The following SYCP2 variants were observed in gnomAD, a reference collection of about 807,000 sequenced individuals.
The protein encoded by SYCP2 is synaptonemal complex protein 2.
SYCP2 carries 55 observed loss-of-function variants against 211.3 expected under a neutral mutation model. The ratio of observed to expected loss-of-function variants is 0.26; its 90% confidence interval spans 0.21 to 0.33. SYCP2 has a LOEUF of 0.33. Among genes scored for constraint, SYCP2 ranks in the 10% least tolerant of loss-of-function variants. SYCP2 has a pLI of 1.00. For missense variants in SYCP2, 1,731 were observed against 1,752.0 expected, an observed-to-expected ratio of 0.99 and a Z score of 0.21; for synonymous variants, 570 against 555.2, an observed-to-expected ratio of 1.03 and a Z score of -0.37.
intron 28 of SYCP2, 99 bp from the exon 29 acceptor site, chr20:59,881,591 A>G (rs2059682271): frequency 3.3e-6 from 2 of 599,166 alleles, no homozygotes; most frequent in Non-Finnish European, 2.8e-6. Flanking sequence ...ACAAAATCAT[A>G]AGATTTGACA....
intron 18 of SYCP2, 28 bp from the exon 19 acceptor site, chr20:59,896,556 G>A (rs770476287): frequency 8.5e-7 from 1 of 1,171,034 alleles, no homozygotes; most frequent in South Asian, 1.3e-5. Context: ...AACAACCACT[G>A]TAAACACAGT....
chr20:59,913,898 A>G (rs1281983829), intron 12 of SYCP2, 77 bp downstream of exon 12: 5 of 1,042,482 alleles, frequency 4.8e-6, no homozygotes, highest in Admixed American at 5.1e-5. Flanking sequence ...TTAAATGTAT[A>G]AAGATGCAAC....
intron 18 of SYCP2, among the ~76,000 whole-genome samples, chr20:59,899,272 G>A (rs531844846): frequency 6.6e-6 from 1 of 152,040 alleles, no homozygotes; most frequent in East Asian, 1.9e-4. Context: ...AAAGCATATT[G>A]CCAAAAAAAA....
intron 3 of SYCP2, 127 bp from the exon 4 acceptor site, chr20:59,921,580 G>A (rs762781918): frequency 7.9e-5 from 44 of 559,948 alleles, no homozygotes; most frequent in Admixed American, 1.7e-4. Flanking sequence ...ATTAATTCAC[G>A]TATTTTTTAA....
intron 15 of SYCP2, among the ~76,000 whole-genome samples, chr20:59,904,823 A>T (rs2060184577): frequency 6.6e-6 from 1 of 152,154 alleles, no homozygotes; most frequent in Non-Finnish European, 1.5e-5. Context: ...GGGACTCAGG[A>T]AGCTTTTAAT....
At chr20:59,904,929 G>A (rs947572464) in intron 15 of SYCP2, among the ~76,000 whole-genome samples, 10 of 152,014 alleles carry the variant, frequency 6.6e-5, no homozygotes, top group African/African-American at 2.4e-4. Context: ...TAGCTTACCT[G>A]AATTAACAAG....
rs1162359429 is a variant in SYCP2, at chr20:59,865,676, CCTT to C, written c.4380-28_4380-26del. On this transcript the variant is annotated intron_variant, in intron 42 of 44. Transcript: ENST00000357552. ...CCTAAGAAGTAAAATAATGAGTTAA[CCTT>C]GTATTTATCAATAATTCAAATTAGA... The C allele has an allele frequency of 6.4e-5, 95 of 1,486,808 alleles. 1 individual carries two copies. The highest frequency in any genetic ancestry group is 8.4e-5 in the Non-Finnish European group (92 of 1,091,154). The allele number at this position is 1,486,808 out of a possible 1,614,324, so 92.1% of individuals were successfully genotyped here. A position where few individuals can be genotyped will look rare whatever the true frequency, so the allele number is the denominator to read the frequency against.
At chr20:59,885,766 T>C (rs1436480782) in intron 26 of SYCP2, among the ~76,000 whole-genome samples, 162 bp downstream of exon 26, 1 of 152,192 alleles carries the variant, frequency 6.6e-6, no homozygotes, top group Non-Finnish European at 1.5e-5. Flanking sequence ...TGGAGGGCTA[T>C]TTTGAGTACT....
intron 30 of SYCP2, 122 bp downstream of exon 30, chr20:59,880,844 G>T (rs2059663856): frequency 4.0e-6 from 2 of 505,120 alleles, no homozygotes; most frequent in Non-Finnish European, 3.5e-6. Flanking sequence ...TAATAGGAAG[G>T]TGGATAGTTG....
chr20:59,867,948 A>G (rs2059383203), intron 38 of SYCP2, 101 bp from the exon 39 acceptor site: 5 of 784,744 alleles, frequency 6.4e-6, no homozygotes, highest in East Asian at 2.8e-5. Flanking sequence ...TTCCGAATCT[A>G]TGTGTAACCT....
Position 59,868,405 on chromosome 20 carries a change from C to G in SYCP2, c.3988+8G>C. 6.2e-7 allele frequency: 1 copy of G among 1,607,092 alleles called. No individual in the cohort carries two copies. The highest frequency in any genetic ancestry group is 2.2e-5 in the East Asian group (1 of 44,708). On this transcript the variant is annotated splice_region_variant and intron_variant, in intron 38 of 44. Transcript: ENST00000357552. ...CTGCATTTTGATACAGGCTACTGATCTACCTACTTTTGTGGATATGATGAT... is the reference window on the plus strand; with the variant it reads ...CTGCATTTTGATACAGGCTACTGATGTACCTACTTTTGTGGATATGATGAT...
rs543437402 is a variant in SYCP2, at chr20:59,928,591, A to G, written c.-47+3471T>C. ...AAAACATATTACAAAGTCACAAGAAATAACTATAAACAGTGAAGTATTAAG... is the reference window on the plus strand; with the variant it reads ...AAAACATATTACAAAGTCACAAGAAGTAACTATAAACAGTGAAGTATTAAG... On this transcript the variant is annotated intron_variant, in intron 2 of 44. Transcript: ENST00000357552. 2.1e-4 allele frequency among the ~76,000 whole-genome samples: 32 copies of G among 152,312 alleles called. 2 individuals are homozygous for G. The South Asian group carries it at 5.8e-3, about 28-fold the overall frequency.
chr20:59,916,527 G>A lies in SYCP2; in HGVS notation c.472C>T (p.Leu158=), dbSNP rs745602853. The change falls in exon 8 of 45, where the codon CTG becomes TTG. Residue 158 remains leucine (L), a synonymous_variant. Coordinates refer to ENST00000357552, the MANE Select transcript of SYCP2 (RefSeq NM_014258.4). ...VESFVPRICS[L]VIDSRVNICI... is the part of the protein sequence containing the mutation. ...ATATTCACTCTTGAGTCAATAACCA[G>A]GGAACAAATGCGAGGTACGAAACTT... 1 of 1,611,230 alleles carries A rather than the reference G, an allele frequency of 6.2e-7. No homozygotes were observed. Among genetic ancestry groups the A allele is most frequent in the South Asian group, 1.1e-5 (1 of 90,974 alleles).
chr20:59,921,530 A>T, intron 3 of SYCP2, 77 bp from the exon 4 acceptor site: 1 of 1,066,848 alleles, frequency 9.4e-7, no homozygotes, highest in Non-Finnish European at 1.3e-6. Context: ...TAATTTGAGA[A>T]CCGTTTTCAC....
At chr20:59,932,446 C>G (rs1276631745) in intron 1 of SYCP2, among the ~76,000 whole-genome samples, 2 of 152,106 alleles carry the variant, frequency 1.3e-5, no homozygotes, top group Non-Finnish European at 2.9e-5. Flanking sequence ...GAAGCCGAGG[C>G]AGGTGGATCA....
chr20:59,874,522 A>G (rs973253384), intron 34 of SYCP2, among the ~76,000 whole-genome samples: 1 of 152,088 alleles, frequency 6.6e-6, no homozygotes. Context: ...GACAATTTTC[A>G]GATCGAATCA....
At chr20:59,874,991 CTTTT>C (rs1054518392) in intron 34 of SYCP2, among the ~76,000 whole-genome samples, 9 of 151,722 alleles carry the variant, frequency 5.9e-5, no homozygotes, top group African/African-American at 2.2e-4. Flanking sequence ...AAATTAAGTA[CTTTT>C]TTAAGATTAA....
chr20:59,892,194 A>G lies in SYCP2; in HGVS notation c.2160T>C (p.Ser720=). The change falls in exon 24 of 45, where the codon TCT becomes TCC. Residue 720 remains serine (S), a synonymous_variant. Coordinates refer to ENST00000357552, the MANE Select transcript of SYCP2 (RefSeq NM_014258.4). ...NAKQSDWPVE[S]ETTFKSVLLN... ...GGAGAACCGATTTAAAAGTAGTTTC[A>G]GATTCAACAGGCCAATCACTCTGCT... is the stretch of plus-strand genomic sequence containing the variant. 5 of 1,612,716 alleles carry G rather than the reference A, an allele frequency of 3.1e-6. No individual in the cohort carries two copies. The highest frequency in any genetic ancestry group is 4.2e-6 in the Non-Finnish European group (5 of 1,179,220).
At chr20:59,877,916 A>G in intron 32 of SYCP2, 92 bp downstream of exon 32, 1 of 1,009,824 alleles carries the variant, frequency 9.9e-7, no homozygotes, top group Non-Finnish European at 1.5e-6. Flanking sequence ...ATAACTGATA[A>G]CAAGGATAAA....
Sources: allele counts gnomAD v4.1 joint callset (sites outside exome capture counted in the v4.1 genomes callset), GRCh38; gene constraint gnomAD v4.1.1; transcripts MANE v1.5; gene names NCBI Gene and HGNC (gene_info 2026-07-23, HGNC 2026-07-21).